The following PTPRF variants were observed in gnomAD, a reference collection of about 807,000 sequenced individuals.
PTPRF encodes the protein protein tyrosine phosphatase receptor type F.
In PTPRF, 59 loss-of-function variants were observed where a neutral mutation model predicts 201.8. That is an observed-to-expected ratio of 0.29 (90% confidence interval 0.24 to 0.36). The LOEUF is 0.36. PTPRF is among the 10% of genes least tolerant of loss of function. The probability of loss-of-function intolerance (pLI) is 1.00; values close to 1 mark genes in which losing one functional copy is unlikely to be tolerated. For missense variants in PTPRF, 2,132 were observed against 2,690.5 expected, an observed-to-expected ratio of 0.79 and a Z score of 4.59; for synonymous variants, 1,088 against 1,089.7, an observed-to-expected ratio of 1.00 and a Z score of 0.03.
chr1:43,562,277 T>C (rs1175081819), intron 5 of PTPRF, among the ~76,000 whole-genome samples: 2 of 151,996 alleles, frequency 1.3e-5, no homozygotes, highest in African/African-American at 2.4e-5. Flanking sequence ...CCTGACTAAT[T>C]TTTTGTATTT....
At chr1:43,525,802 C>T (rs1401454259), upstream of PTPRF, among the ~76,000 whole-genome samples, 1 of 30,436 alleles carries the variant, frequency 3.3e-5, no homozygotes, top group Non-Finnish European at 6.0e-5. Flanking sequence ...AAGACTCAGT[C>T]TCAAAAAAAA....
chr1:43,530,808 G>GGGGGCGCGCACGGCAGGGGCA (rs1553164358), upstream of PTPRF: 2 of 152,332 alleles, frequency 1.3e-5, no homozygotes, highest in African/African-American at 4.8e-5. The surrounding 1 kb of genome is among the most constrained non-coding windows in gnomAD (Gnocchi z 4.1). Context: ...GGGCGCCGCC[G>GGGGGCGCGCACGGCAGGGGCA]GGGGCGCGCA....
chr1:43,592,237 A>G (rs1650969405), intron 10 of PTPRF, among the ~76,000 whole-genome samples: 1 of 152,110 alleles, frequency 6.6e-6, no homozygotes, highest in South Asian at 2.1e-4. Flanking sequence ...CCCAGAAGCC[A>G]TGCGTCCCAG....
intron 5 of PTPRF, among the ~76,000 whole-genome samples, chr1:43,563,156 C>T (rs886916761): frequency 3.5e-5 from 5 of 144,340 alleles, no homozygotes; most frequent in African/African-American, 1.0e-4. Context: ...TCAGCCTAGG[C>T]GACCAAGCGA....
At chr1:43,621,319 G>T (rs1362699540) in intron 33 of PTPRF, 87 bp downstream of exon 33, 1 of 1,517,660 alleles carries the variant, frequency 6.6e-7, no homozygotes, top group Admixed American at 2.0e-5. Flanking sequence ...ATGCCCACAG[G>T]CATGTGCATT....
At chr1:43,538,649 G>C (rs1570908344) in intron 2 of PTPRF, among the ~76,000 whole-genome samples, 1 of 152,188 alleles carries the variant, frequency 6.6e-6, no homozygotes, top group African/African-American at 2.4e-5. Flanking sequence ...GTGTGAAATA[G>C]GCTTCCGGGT....
intron 11 of PTPRF, among the ~76,000 whole-genome samples, chr1:43,594,838 G>A (rs898308619): frequency 2.0e-5 from 3 of 152,200 alleles, no homozygotes; most frequent in African/African-American, 7.2e-5. Flanking sequence ...GCAGTGCTCG[G>A]CAGGCTGTGG....
intron 10 of PTPRF, 121 bp from the exon 11 acceptor site, chr1:43,592,336 G>A (rs754885691): frequency 5.9e-5 from 74 of 1,247,358 alleles, no homozygotes; most frequent in Admixed American, 1.1e-4. Flanking sequence ...GCCTTATGGT[G>A]TGGAGCCAGT....
intron 11 of PTPRF, among the ~76,000 whole-genome samples, chr1:43,594,735 C>A (rs1651824465): frequency 6.6e-6 from 1 of 151,968 alleles, no homozygotes; most frequent in Non-Finnish European, 1.5e-5. Context: ...GAGAGTGGTG[C>A]TGGCGTAGAA....
chr1:43,586,767 C>T (rs1001480556), intron 7 of PTPRF, among the ~76,000 whole-genome samples: 1 of 152,218 alleles, frequency 6.6e-6, no homozygotes, highest in Non-Finnish European at 1.5e-5. Flanking sequence ...TCTCAAGCAG[C>T]TTTTCCTGTG....
At position 43,603,437 on chromosome 1, in the gene PTPRF, A is replaced by G. The variant is rs1400192914; in HGVS notation, c.2362A>G (p.Thr788Ala). ...TCAGGAAACCACTATCAGCGGCCTG[A>G]CCCCGGAGACCACCTACTCCGTTAC... is the stretch of plus-strand genomic sequence containing the variant. ...EDYETTISGL[T>A]PETTYSVTVA... Residue 788 changes from threonine (T) to alanine (A), a missense_variant, in exon 15 of 34, where the codon ACC becomes GCC. By Grantham distance (58) the Thr-to-Ala change is moderately conservative (BLOSUM62 0). Coordinates refer to ENST00000359947, the MANE Select transcript of PTPRF (RefSeq NM_002840.5). This position sits in a 1 kb window ranked among gnomAD's most constrained non-coding sequence, Gnocchi z 5.8. 2 of 1,613,906 alleles carry G rather than the reference A, an allele frequency of 1.2e-6. No individual in the cohort carries two copies. The highest frequency in any genetic ancestry group is 1.1e-5 in the South Asian group (1 of 91,068).
At chr1:43,583,405 C>T (rs114625534) in intron 7 of PTPRF, among the ~76,000 whole-genome samples, 276 of 152,346 alleles carry the variant, frequency 1.8e-3, no homozygotes, top group African/African-American at 6.4e-3. Context: ...GCACCCAGGC[C>T]GGGCCAGCTG....
chr1:43,588,676 C>T lies in PTPRF; in HGVS notation c.680-55C>T. ...CCTGAATGAGGGGCCCCTGCCCTTC[C>T]ATGCAGTCGTGTGTCCTGCCCGGCC... On this transcript the variant is annotated intron_variant, in intron 7 of 33. Transcript: ENST00000359947. This position sits in a 1 kb window ranked among gnomAD's most constrained non-coding sequence, Gnocchi z 5.3. The T allele has an allele frequency of 6.3e-7, 1 of 1,591,754 alleles. No homozygotes were observed. The highest frequency in any genetic ancestry group is 8.5e-7 in the Non-Finnish European group (1 of 1,169,656).
rs1003142052 is a variant in PTPRF at position 43,615,802 on chromosome 1, G to A, written c.4072-1643G>A. 3.9e-5 allele frequency among the ~76,000 whole-genome samples: 6 copies of A among 151,924 alleles called. No homozygotes were observed. In the South Asian group the frequency reaches 6.2e-4, roughly 16 times the overall value. On this transcript the variant is annotated intron_variant, in intron 23 of 33. Coordinates refer to ENST00000359947, the MANE Select transcript of PTPRF (RefSeq NM_002840.5). ...AGGATGGTCTCGATCTCCTGACCTC[G>A]TGATCCGCCCACCTTGGCCTCCCAA...
At position 43,619,630 on chromosome 1, in the gene PTPRF, C is replaced by A. The variant is rs747537767; in HGVS notation, c.4933-50C>A. On this transcript the variant is annotated intron_variant, in intron 28 of 33. Transcript: ENST00000359947. Reference sequence around the variant, plus strand: ...GGCCTAGACTGGGTCATGCAGATGACCCCCACCCCCACAGGAAGCCTGGCC... The same window carrying A: ...GGCCTAGACTGGGTCATGCAGATGAACCCCACCCCCACAGGAAGCCTGGCC... 8 of 1,610,210 alleles carry A rather than the reference C, an allele frequency of 5.0e-6. No individual in the cohort carries two copies. The East Asian group carries it at 8.9e-5, about 18-fold the overall frequency.
At chr1:43,616,376 A>G (rs955121874) in intron 23 of PTPRF, among the ~76,000 whole-genome samples, 1 of 151,856 alleles carries the variant, frequency 6.6e-6, no homozygotes, top group African/African-American at 2.4e-5. Flanking sequence ...GAAGGCCTTT[A>G]AGCAGGAAAT....
upstream of PTPRF, among the ~76,000 whole-genome samples, chr1:43,522,936 C>T (rs1169392182): frequency 6.6e-6 from 1 of 152,136 alleles, no homozygotes; most frequent in Non-Finnish European, 1.5e-5. Context: ...TTTGCGGCTG[C>T]AGCGCAGAGA....
chr1:43,533,246 G>A (rs1472475363), intron 1 of PTPRF, among the ~76,000 whole-genome samples: 1 of 151,732 alleles, frequency 6.6e-6, no homozygotes, highest in African/African-American at 2.4e-5. Flanking sequence ...CCAGCTTTGT[G>A]TGCCCTGGGC....
In PTPRF at chr1:43,622,441, G is replaced by T; in HGVS notation, c.*438G>T. On this transcript the variant is annotated 3_prime_UTR_variant, in exon 34 of 34. Transcript: ENST00000359947. ...CACTGTAGGGGTTGGGGTTTATTTT[G>T]TTTTGTTTTTTTTTTTCTTGAGTTC... is the stretch of plus-strand genomic sequence containing the variant. The T allele has an allele frequency of 6.3e-6, 1 of 159,672 alleles. No homozygotes were observed. Among genetic ancestry groups the T allele is most frequent in the Non-Finnish European group, 1.4e-5 (1 of 73,504 alleles). The allele number at this position is 159,672 out of a possible 1,614,324, so 9.9% of individuals were successfully genotyped here. A position where few individuals can be genotyped will look rare whatever the true frequency, so the allele number is the denominator to read the frequency against.
Sources: allele counts gnomAD v4.1 joint callset (sites outside exome capture counted in the v4.1 genomes callset), GRCh38; gene constraint gnomAD v4.1.1; non-coding constraint Gnocchi (gnomAD v3.1); transcripts MANE v1.5; gene names NCBI Gene and HGNC (gene_info 2026-07-23, HGNC 2026-07-21).